RARB: variants seen among roughly 807,000 people sequenced by gnomAD.
RARB encodes retinoic acid receptor beta, also known as HBV-activated protein.
In RARB, 17 loss-of-function variants were observed where a neutral mutation model predicts 51.9. The observed-to-expected ratio is 0.33, with a 90% CI of 0.22 to 0.49. The LOEUF (loss-of-function observed/expected upper bound fraction) is 0.49. Ranked by LOEUF, RARB falls within the 20% of genes least tolerant of loss-of-function variation. RARB has a pLI of 0.99. For synonymous variants in RARB, 215 were observed against 195.4 expected (o/e 1.10, Z -0.84); for missense variants, 369 against 550.8 (o/e 0.67, Z 3.30).
chr3:24,882,529 G>A (rs190913717), intron 2 of RARB, among the ~76,000 whole-genome samples: 26 of 152,306 alleles, frequency 1.7e-4, no homozygotes, highest in Admixed American at 1.2e-3. Context: ...AATCCCCCAT[G>A]GATACAAAGG....
chr3:24,846,916 C>G lies in RARB; in HGVS notation c.-458-11758C>G, dbSNP rs542415850. 2.0e-5 allele frequency among the ~76,000 whole-genome samples: 3 copies of G among 151,490 alleles called. No individual in the cohort carries two copies. In the East Asian group the frequency reaches 5.8e-4, roughly 29 times the overall value. ...GAAGAGCATGAAATTCAGATTTGCTCAATGAGAAGATTAAGCAGTTGTATT... is the reference window on the plus strand; with the variant it reads ...GAAGAGCATGAAATTCAGATTTGCTGAATGAGAAGATTAAGCAGTTGTATT... On this transcript the variant is annotated intron_variant, in intron 1 of 11. Coordinates refer to the RARB transcript ENST00000383772.
intron 3 of RARB, among the ~76,000 whole-genome samples, chr3:25,514,252 C>T (rs936849303): frequency 2.0e-5 from 3 of 152,174 alleles, no homozygotes; most frequent in African/African-American, 7.2e-5. Flanking sequence ...TAAACTCTAT[C>T]TCTTCTCCCT....
At chr3:24,940,559 C>T (rs768830381) in intron 2 of RARB, among the ~76,000 whole-genome samples, 1 of 152,164 alleles carries the variant, frequency 6.6e-6, no homozygotes, top group African/African-American at 2.4e-5. Flanking sequence ...CAATTCCTTT[C>T]CTATGTTTTT....
intron 4 of RARB, among the ~76,000 whole-genome samples, chr3:25,166,871 A>G (rs1317493130): frequency 6.6e-6 from 1 of 152,220 alleles, no homozygotes; most frequent in Non-Finnish European, 1.5e-5. Flanking sequence ...GGCATTTCAC[A>G]TTATCCACTA....
chr3:25,273,249 G>A (rs183648136), intron 5 of RARB, among the ~76,000 whole-genome samples: 1 of 152,108 alleles, frequency 6.6e-6, no homozygotes, highest in Non-Finnish European at 1.5e-5. Flanking sequence ...CAAAGGACTC[G>A]AACTGGCCTC....
chr3:25,115,019 T>TA (rs1699663219), intron 3 of RARB, among the ~76,000 whole-genome samples: 2 of 152,276 alleles, frequency 1.3e-5, no homozygotes, highest in African/African-American at 4.8e-5. Context: ...ATAATTACTT[T>TA]AAAAAATCAT....
intron 3 of RARB, among the ~76,000 whole-genome samples, chr3:25,116,492 C>T (rs1017049015): frequency 6.6e-6 from 1 of 152,078 alleles, no homozygotes; most frequent in Non-Finnish European, 1.5e-5. Context: ...GTTTGTCCAT[C>T]CTCGGTCTAC....
rs1042761527 is a variant in RARB at position 25,546,086 on chromosome 3, G to A, written c.449-23672G>A. On this transcript the variant is annotated intron_variant, in intron 3 of 7. Transcript: ENST00000330688. ...GGCACCCAGGCAGAGGGAACAGCCA[G>A]TGCAGAAGCGCTTAGCTAGAGTATG... is the stretch of plus-strand genomic sequence containing the variant. Among the ~76,000 whole-genome samples the A allele has an allele frequency of 3.3e-5, 5 of 152,070 alleles. No individual in the cohort carries two copies. The South Asian group carries it at 8.3e-4, about 25-fold the overall frequency.
At chr3:25,413,361 T>G (rs530233658) in intron 5 of RARB, among the ~76,000 whole-genome samples, 1 of 152,378 alleles carries the variant, frequency 6.6e-6, no homozygotes, top group East Asian at 1.9e-4. Flanking sequence ...TATCACATTT[T>G]TTATCCATTC....
chr3:25,417,142 T>C (rs1380694343), intron 5 of RARB, among the ~76,000 whole-genome samples: 3 of 150,236 alleles, frequency 2.0e-5, no homozygotes, highest in African/African-American at 7.4e-5. Context: ...GAATTAGGGG[T>C]AAAAGTTTCT....
At chr3:25,585,212 G>A (rs1238210786) in intron 5 of RARB, among the ~76,000 whole-genome samples, 1 of 152,104 alleles carries the variant, frequency 6.6e-6, no homozygotes, top group Non-Finnish European at 1.5e-5. Flanking sequence ...GTAGAGCTTG[G>A]AACAGTGTGT....
chr3:24,886,686 C>T (rs147548392), intron 2 of RARB, among the ~76,000 whole-genome samples: 2 of 152,170 alleles, frequency 1.3e-5, no homozygotes, highest in South Asian at 2.1e-4. Context: ...GAGTGATTTG[C>T]CTGCCTCCCA....
rs549580917 is a variant in RARB, at chr3:25,129,740, A to G, written c.-327-2421A>G. On this transcript the variant is annotated intron_variant, in intron 3 of 11. Coordinates refer to the RARB transcript ENST00000383772. Reference sequence around the variant, plus strand: ...AAAATTCATGAAAAGTTTAAAAATGAAAGCATGTTTTTGCATATGGTTGGA... The same window carrying G: ...AAAATTCATGAAAAGTTTAAAAATGGAAGCATGTTTTTGCATATGGTTGGA... Among the ~76,000 whole-genome samples the G allele has an allele frequency of 1.1e-3, 170 of 152,252 alleles. 2 individuals carry two copies. Among genetic ancestry groups the G allele is most frequent in the African/African-American group, 3.9e-3 (163 of 41,574 alleles).
chr3:25,301,482 C>T (rs770828776), intron 5 of RARB, among the ~76,000 whole-genome samples: 23 of 152,190 alleles, frequency 1.5e-4, no homozygotes, highest in Non-Finnish European at 4.4e-5. Context: ...CCATAAGGTC[C>T]TGTATGTTCC....
chr3:25,234,862 A>G (rs1702266724), intron 5 of RARB, among the ~76,000 whole-genome samples: 1 of 152,120 alleles, frequency 6.6e-6, no homozygotes, highest in Non-Finnish European at 1.5e-5. Flanking sequence ...CTGGAGAGGC[A>G]GGTTTTTCTC....
chr3:25,197,473 G>A (rs894499430), intron 5 of RARB, among the ~76,000 whole-genome samples: 5 of 151,856 alleles, frequency 3.3e-5, no homozygotes, highest in African/African-American at 7.2e-5. Context: ...AGAAAGAAAG[G>A]CATCCAAATT....
intron 5 of RARB, among the ~76,000 whole-genome samples, chr3:25,406,138 C>A (rs1340638673): frequency 6.6e-6 from 1 of 152,146 alleles, no homozygotes; most frequent in East Asian, 1.9e-4. Flanking sequence ...CCAACATGAC[C>A]AGGCATCTGT....
chr3:25,596,539 ACAG>A lies in RARB; in HGVS notation c.1274_1276del (p.Ala425del). On this transcript the variant is annotated inframe_deletion, in exon 8 of 8. Transcript: ENST00000330688. ...CTTGACCCCAAGTTCAAGTGGGAAC[ACAG>A]CAGAGCACAGTCCTAGCATCTCACC... is the stretch of plus-strand genomic sequence containing the variant. 6.2e-7 allele frequency: 1 copy of A among 1,613,948 alleles called. No individual in the cohort carries two copies. The highest frequency in any genetic ancestry group is 1.1e-5 in the South Asian group (1 of 91,074).
chr3:25,193,881 A>G (rs1355284399), intron 5 of RARB, among the ~76,000 whole-genome samples: 1 of 138,412 alleles, frequency 7.2e-6, no homozygotes, highest in Non-Finnish European at 1.6e-5. Context: ...ATATACCAAT[A>G]AATATTCAAA....
Sources: allele counts gnomAD v4.1 joint callset (sites outside exome capture counted in the v4.1 genomes callset), GRCh38; gene constraint gnomAD v4.1.1; transcripts MANE v1.5; gene names NCBI Gene and HGNC (gene_info 2026-07-23, HGNC 2026-07-21).